Variants in IKZF1 observed in about 807,000 individuals in gnomAD.
IKZF1 encodes IKAROS family zinc finger 1, also known as DNA-binding protein Ikaros.
IKZF1 carries 10 observed loss-of-function variants against 51.7 expected under a neutral mutation model. That is an observed-to-expected ratio of 0.19 (90% confidence interval 0.12 to 0.33). IKZF1 has a LOEUF of 0.33. IKZF1 is among the 10% of genes least tolerant of loss of function. The pLI, the probability that IKZF1 is intolerant of heterozygous loss-of-function variation, is 1.00. For synonymous variants in IKZF1, 280 were observed against 282.3 expected (o/e 0.99, Z 0.08); for missense variants, 484 against 707.5 (o/e 0.68, Z 3.58).
intron 3 of IKZF1, among the ~76,000 whole-genome samples, chr7:50,351,184 G>T (rs1175294054): frequency 6.6e-6 from 1 of 152,126 alleles, no homozygotes; most frequent in African/African-American, 2.4e-5. Flanking sequence ...ATAATATGGG[G>T]AGTGGGGGTG....
upstream of IKZF1, chr7:50,304,209 C>A (rs151114892): frequency 6.7e-6 from 1 of 150,028 alleles, no homozygotes; most frequent in African/African-American, 2.4e-5. Flanking sequence ...CCCTCTGGCC[C>A]GGAGTTGCGG....
intron 2 of IKZF1, 28 bp downstream of exon 2, chr7:50,319,129 G>A (rs756662850): frequency 6.2e-7 from 1 of 1,609,632 alleles, no homozygotes; most frequent in South Asian, 1.1e-5. Context: ...AGCTGTGTGG[G>A]AAGTTCATGA....
chr7:50,324,690 G>A (rs925385200), intron 2 of IKZF1, among the ~76,000 whole-genome samples: 5 of 152,182 alleles, frequency 3.3e-5, no homozygotes, highest in African/African-American at 1.2e-4. Context: ...CTTAAGAAGC[G>A]TACCTGTTAT....
At chr7:50,387,056 C>G (rs949973375) in intron 5 of IKZF1, among the ~76,000 whole-genome samples, 2 of 152,158 alleles carry the variant, frequency 1.3e-5, no homozygotes, top group African/African-American at 4.8e-5. Context: ...CTCGTTTTCT[C>G]CAGTTAAAGG....
intron 5 of IKZF1, among the ~76,000 whole-genome samples, chr7:50,387,143 A>G (rs1813613119): frequency 6.6e-6 from 1 of 152,222 alleles, no homozygotes; most frequent in Admixed American, 6.5e-5. Flanking sequence ...CAAGAGTCGC[A>G]TGAGTTCTTG....
chr7:50,378,043 A>C (rs1810810839), intron 4 of IKZF1, among the ~76,000 whole-genome samples: 1 of 152,254 alleles, frequency 6.6e-6, no homozygotes, highest in African/African-American at 2.4e-5. Flanking sequence ...GGGCGAACAA[A>C]AATATGTTCA....
Position 50,376,431 on chromosome 7 carries a change from T to C in IKZF1, c.161-102T>C. 1.3e-6 allele frequency: 2 copies of C among 1,522,218 alleles called. No individual in the cohort carries two copies. The highest frequency in any genetic ancestry group is 1.8e-6 in the Non-Finnish European group (2 of 1,133,450). 94.3% of individuals were successfully genotyped at this position (1,522,218 alleles called of 1,614,324 possible). Reference sequence around the variant, plus strand: ...GTATTTGCTAAGAACTTCTGTTTAGTAGCTCTCCACACCTATTTGATTGTC... The same window carrying C: ...GTATTTGCTAAGAACTTCTGTTTAGCAGCTCTCCACACCTATTTGATTGTC... On this transcript the variant is annotated intron_variant, in intron 3 of 7. Transcript: ENST00000331340. The surrounding 1 kb of genome is among the most constrained non-coding windows in gnomAD (Gnocchi z 4.5).
intron 3 of IKZF1, among the ~76,000 whole-genome samples, chr7:50,331,074 A>G (rs1307740791): frequency 3.3e-5 from 5 of 152,188 alleles, no homozygotes; most frequent in Non-Finnish European, 7.4e-5. Flanking sequence ...ATATATAGAC[A>G]TAATTTGTTG....
At chr7:50,374,817 A>T (rs1355881792) in intron 3 of IKZF1, among the ~76,000 whole-genome samples, 1 of 152,208 alleles carries the variant, frequency 6.6e-6, no homozygotes, top group East Asian at 1.9e-4. Flanking sequence ...TGCAGCTAAG[A>T]TTCCAGACCA....
chr7:50,388,550 G>A (rs1327052076), intron 6 of IKZF1: 1 of 152,258 alleles, frequency 6.6e-6, no homozygotes, highest in Non-Finnish European at 1.5e-5. Context: ...GGGGCTTACA[G>A]GCGATTCCTC....
Position 50,400,973 on chromosome 7 carries a change from G to C in IKZF1, c.*346G>C. The C allele has an allele frequency of 2.4e-6, 1 of 409,434 alleles. No homozygotes were observed. The highest frequency in any genetic ancestry group is 4.4e-5 in the Admixed American group (1 of 22,854). The allele number at this position is 409,434 out of a possible 1,614,324, so 25.4% of individuals were successfully genotyped here. The stretch of plus-strand genomic sequence containing the variant: ...TTTCAGAGAGAAATAGATAAAACAC[G>C]CCACAGCCTGGGAAGGAGCGTGCTC... On this transcript the variant is annotated 3_prime_UTR_variant, in exon 8 of 8. Coordinates refer to ENST00000331340, the MANE Select transcript of IKZF1 (RefSeq NM_006060.6). The surrounding 1 kb of genome is among the most constrained non-coding windows in gnomAD (Gnocchi z 5.4).
chr7:50,376,731 A>C lies in IKZF1; in HGVS notation c.359A>C (p.Asp120Ala). 1 of 1,613,974 alleles carries C rather than the reference A, an allele frequency of 6.2e-7. No homozygotes were observed. Among genetic ancestry groups the C allele is most frequent in the Non-Finnish European group, 8.5e-7 (1 of 1,179,886 alleles). Residue 120 changes from aspartate (D) to alanine (A), a missense_variant, in exon 4 of 8, where the codon GAT becomes GCT. By Grantham distance (126) the Asp-to-Ala change is moderately radical. This residue lies in a region of IKZF1 where 53 missense variants were observed against 167.7 expected (regional missense o/e 0.32). Transcript: ENST00000331340. The surrounding 1 kb of genome is among the most constrained non-coding windows in gnomAD (Gnocchi z 4.5). Reference protein sequence around the residue: ...IRLPNGKLKCDICGIICIGPN... With the variant: ...IRLPNGKLKCAICGIICIGPN... ...CTTCCTAACGGAAAACTAAAGTGTGATATCTGTGGGATCATTTGCATCGGG... is the reference window on the plus strand; with the variant it reads ...CTTCCTAACGGAAAACTAAAGTGTGCTATCTGTGGGATCATTTGCATCGGG...
chr7:50,308,198 C>T (rs1789273638), intron 1 of IKZF1, among the ~76,000 whole-genome samples: 1 of 152,104 alleles, frequency 6.6e-6, no homozygotes, highest in Non-Finnish European at 1.5e-5. Context: ...AGAAGGTTTG[C>T]AGAAGGTTTT....
chr7:50,313,555 C>G (rs6971716), intron 1 of IKZF1, among the ~76,000 whole-genome samples: 1,756 of 152,266 alleles, frequency 0.012, 41 homozygotes, highest in African/African-American at 0.041. Context: ...GTGTGCGACC[C>G]CTGCACTGGG....
chr7:50,398,756 A>G (rs558619603), intron 7 of IKZF1, among the ~76,000 whole-genome samples: 5 of 152,352 alleles, frequency 3.3e-5, no homozygotes, highest in Admixed American at 2.0e-4. Flanking sequence ...AACCGTTCAG[A>G]CATTCCAAGG....
At chr7:50,364,974 A>G (rs1389320086) in intron 3 of IKZF1, among the ~76,000 whole-genome samples, 1 of 152,222 alleles carries the variant, frequency 6.6e-6, no homozygotes, top group Non-Finnish European at 1.5e-5. Flanking sequence ...ATTACTCCCC[A>G]TGCCTCACGT....
At chr7:50,318,657 T>C (rs1413703649) in intron 1 of IKZF1, 2 of 223,962 alleles carry the variant, frequency 8.9e-6, no homozygotes, top group Non-Finnish European at 1.8e-5. Flanking sequence ...CATCGATGCA[T>C]GCTCAGTAAA....
At chr7:50,318,479 C>T (rs959155586) in intron 1 of IKZF1, 4 of 227,618 alleles carry the variant, frequency 1.8e-5, no homozygotes, top group East Asian at 6.3e-5. Context: ...AAGACAGGAG[C>T]GCCCGCATTG....
intron 3 of IKZF1, among the ~76,000 whole-genome samples, chr7:50,346,284 G>A (rs564804258): frequency 6.6e-6 from 1 of 152,256 alleles, no homozygotes; most frequent in South Asian, 2.1e-4. Context: ...TCCTTAACAG[G>A]TGATCACCTC....
Sources: allele counts gnomAD v4.1 joint callset (sites outside exome capture counted in the v4.1 genomes callset), GRCh38; gene constraint gnomAD v4.1.1; regional missense constraint gnomAD v4.1.1; non-coding constraint Gnocchi (gnomAD v3.1); transcripts MANE v1.5; gene names NCBI Gene and HGNC (gene_info 2026-07-23, HGNC 2026-07-21).